SCNN1A: variants seen among roughly 807,000 people sequenced by gnomAD.
The protein encoded by SCNN1A is epithelial sodium channel subunit alpha.
A neutral mutation model predicts 68.6 loss-of-function variants in SCNN1A; 65 were observed. The ratio of observed to expected loss-of-function variants is 0.95; its 90% CI spans 0.78 to 1.16. The LOEUF is 1.16. SCNN1A is among the 50% of genes most tolerant of loss of function. The probability of loss-of-function intolerance (pLI) is 0.00; values close to 1 mark genes in which losing one functional copy is unlikely to be tolerated. For synonymous variants in SCNN1A, 357 were observed against 353.3 expected (o/e 1.01, Z -0.12); for missense variants, 880 against 865.9 (o/e 1.02, Z -0.20).
At chr12:6,352,112 A>C (rs1948399154) in intron 8 of SCNN1A, among the ~76,000 whole-genome samples, 1 of 152,154 alleles carries the variant, frequency 6.6e-6, no homozygotes, top group South Asian at 2.1e-4. Context: ...TTATATGATG[A>C]TTGCACAACT....
At position 6,354,831 on chromosome 12, in the gene SCNN1A, A is replaced by C; in HGVS notation, c.1161T>G (p.Leu387=). The change falls in exon 7 of 13, where the codon CTT becomes CTG. Residue 387 remains leucine, a synonymous_variant. Coordinates refer to ENST00000228916, the MANE Select transcript of SCNN1A (RefSeq NM_001038.6). ...TGGTGCAGTCGCCATAATCGCCCCC[A>C]AGTCTGTCCAGGGTTTCCTATGAAC... ...ISMRKETLDR[L]GGDYGDCTKN... 2 of 1,613,708 alleles carry C rather than the reference A, an allele frequency of 1.2e-6. No individual in the cohort carries two copies. The highest frequency in any genetic ancestry group is 1.7e-6 in the Non-Finnish European group (2 of 1,179,860).
intron 2 of SCNN1A, among the ~76,000 whole-genome samples, chr12:6,366,766 C>T (rs1320166186): frequency 6.6e-6 from 1 of 151,296 alleles, no homozygotes; most frequent in African/African-American, 2.4e-5. Context: ...CGCCATTGCA[C>T]TCCAGCCTGG....
chr12:6,373,652 G>A (rs1240447326), intron 2 of SCNN1A, among the ~76,000 whole-genome samples: 2 of 152,240 alleles, frequency 1.3e-5, no homozygotes, highest in South Asian at 2.1e-4. Context: ...AAAGAGCACC[G>A]ATGAAACCCA....
At chr12:6,360,366 T>C (rs888773708) in intron 4 of SCNN1A, among the ~76,000 whole-genome samples, 25 of 151,340 alleles carry the variant, frequency 1.7e-4, no homozygotes, top group African/African-American at 6.1e-4. Flanking sequence ...GGTGAGGGCA[T>C]AGGGAAAGCA....
chr12:6,354,032 C>T (rs1295652607), intron 8 of SCNN1A: 2 of 218,708 alleles, frequency 9.1e-6, no homozygotes, highest in African/African-American at 4.6e-5. Context: ...AGATTGAGAC[C>T]ATCCTGGCTA....
intron 6 of SCNN1A, 46 bp from the exon 7 acceptor site, chr12:6,354,894 C>T (rs542244603): frequency 6.9e-7 from 1 of 1,447,956 alleles, no homozygotes; most frequent in Admixed American, 1.7e-5. Context: ...GAGCAAGTGC[C>T]TCTGGGTTCT....
chr12:6,363,138 CAATAAT>C (rs111848554), intron 3 of SCNN1A, among the ~76,000 whole-genome samples: 64 of 146,776 alleles, frequency 4.4e-4, no homozygotes, highest in Non-Finnish European at 8.4e-4. Flanking sequence ...AACAGTAAAA[CAATAAT>C]AATAATAATA....
At chr12:6,371,100 C>CACAGAG (rs1948780768) in intron 2 of SCNN1A, among the ~76,000 whole-genome samples, 1 of 152,172 alleles carries the variant, frequency 6.6e-6, no homozygotes, top group South Asian at 2.1e-4. Context: ...TAGAAAGCAG[C>CACAGAG]ACAGAGTCCT....
chr12:6,356,052 T>G (rs1422438177), intron 4 of SCNN1A, 172 bp from the exon 5 acceptor site: 2 of 673,544 alleles, frequency 3.0e-6, no homozygotes, highest in Non-Finnish European at 5.4e-6. Flanking sequence ...CTGAGAGCTT[T>G]ACTCACACTC....
Position 6,363,624 on chromosome 12 carries a change from G to C in SCNN1A, c.503C>G (p.Thr168Ser). ...LFDLYKYSSF[T>S]TLVAGSRSRR... ...GCTGCGGGAGCCGGCCACGAGAGTG[G>C]TGAAGGAGCTGTATTTGTACAGGTC... The change falls in exon 3 of 13, where the codon ACC becomes AGC. Residue 168 changes from threonine (T) to serine (S), a missense_variant. Physicochemically the swap from Thr to Ser is moderately conservative, Grantham distance 58 (BLOSUM62 1). Coordinates refer to ENST00000228916, the MANE Select transcript of SCNN1A (RefSeq NM_001038.6). 1 of 1,613,406 alleles carries C rather than the reference G, an allele frequency of 6.2e-7. No individual in the cohort carries two copies. The highest frequency in any genetic ancestry group is 1.7e-5 in the Admixed American group (1 of 59,982).
chr12:6,363,441 A>T lies in SCNN1A; in HGVS notation c.684+2T>A. 1 of 1,570,020 alleles carries T rather than the reference A, an allele frequency of 6.4e-7. No individual in the cohort carries two copies. Among genetic ancestry groups the T allele is most frequent in the Non-Finnish European group, 8.6e-7 (1 of 1,160,148 alleles). ...CGGGCCCCTCGGCGCTGCGGGCCTCACCAGCTGGAAGCCGATCTTCCAGTC... is the reference window on the plus strand; with the variant it reads ...CGGGCCCCTCGGCGCTGCGGGCCTCTCCAGCTGGAAGCCGATCTTCCAGTC... On this transcript the variant is annotated splice_donor_variant, in intron 3 of 12. Coordinates refer to ENST00000228916, the MANE Select transcript of SCNN1A (RefSeq NM_001038.6). LOFTEE classifies it high-confidence loss of function.
In SCNN1A at chr12:6,355,734, G is replaced by A. The variant is rs551472129; in HGVS notation, c.979+43C>T. 88 of 1,354,980 alleles carry A rather than the reference G, an allele frequency of 6.5e-5. No homozygotes were observed. The Middle Eastern group carries it at 7.2e-4, about 11-fold the overall frequency. The allele number at this position is 1,354,980 out of a possible 1,614,324, so 83.9% of individuals were successfully genotyped here. A position where few individuals can be genotyped will look rare whatever the true frequency, so the allele number is the denominator to read the frequency against. On this transcript the variant is annotated intron_variant, in intron 5 of 12. Coordinates refer to ENST00000228916, the MANE Select transcript of SCNN1A (RefSeq NM_001038.6). ...AGCTCAAGGTAAGTACAGGTGAGTG[G>A]CTGAAGCAGAGGGCGCCATGGAGCA... is the stretch of plus-strand genomic sequence containing the variant.
chr12:6,349,428 G>C, intron 8 of SCNN1A, 23 bp from the exon 9 acceptor site: 1 of 1,532,700 alleles, frequency 6.5e-7, no homozygotes. Context: ...AGAGATGCCT[G>C]TTCTCCTAGG....
chr12:6,354,780 C>A lies in SCNN1A; in HGVS notation c.1212G>T (p.Glu404Asp). The change falls in exon 7 of 13, where the codon GAG (glutamate) becomes GAT (aspartate). Residue 404 changes from glutamate to aspartate, a missense_variant. Glu to Asp is a conservative substitution (Grantham distance 45). Coordinates refer to ENST00000228916, the MANE Select transcript of SCNN1A (RefSeq NM_001038.6). Reference sequence around the variant, plus strand: ...GTGTGTACTTTGAAGGGTAAAGGTTCTCAACAGGAACATCACTGCCATTCT... The same window carrying A: ...GTGTGTACTTTGAAGGGTAAAGGTTATCAACAGGAACATCACTGCCATTCT... ...CTKNGSDVPV[E>D]NLYPSKYTQQ... The A allele has an allele frequency of 6.2e-7, 1 of 1,614,002 alleles. No individual in the cohort carries two copies.
At chr12:6,355,662 TG>T in intron 5 of SCNN1A, 114 bp downstream of exon 5, 1 of 922,056 alleles carries the variant, frequency 1.1e-6, no homozygotes, top group Non-Finnish European at 1.8e-6. Flanking sequence ...TGGCACCTAT[TG>T]GGGAGAGACA....
chr12:6,370,945 G>C (rs182744559), intron 2 of SCNN1A, among the ~76,000 whole-genome samples: 1 of 152,262 alleles, frequency 6.6e-6, no homozygotes, highest in Non-Finnish European at 1.5e-5. Flanking sequence ...ATGACTGTAG[G>C]TATGACTGGC....
rs59652159 is a variant in SCNN1A, at chr12:6,359,764, CTTTTTTTT to C, written c.875+2279_875+2286del. Among the ~76,000 whole-genome samples, 77 of 76,952 alleles carry C rather than the reference CTTTTTTTT, an allele frequency of 1.0e-3. 1 individual carries two copies. Among genetic ancestry groups the C allele is most frequent in the African/African-American group, 4.0e-3 (69 of 17,262 alleles). 50.5% of individuals were successfully genotyped at this position (76,952 alleles called of 152,430 possible). A position where few individuals can be genotyped will look rare whatever the true frequency, so the allele number is the denominator to read the frequency against. ...ATAAATTACCCAGACTCAGATATTC[CTTTTTTTT>C]TTTTTTTTTTTTTTTTCAGATGGAG... is the stretch of plus-strand genomic sequence containing the variant. On this transcript the variant is annotated intron_variant, in intron 4 of 12. Transcript: ENST00000228916.
intron 2 of SCNN1A, among the ~76,000 whole-genome samples, chr12:6,367,390 G>A (rs951058933): frequency 6.6e-6 from 1 of 152,218 alleles, no homozygotes; most frequent in Non-Finnish European, 1.5e-5. Flanking sequence ...AGCAAAGAAC[G>A]ATGCTCAAAT....
At chr12:6,362,281 G>A in intron 3 of SCNN1A, 40 bp from the exon 4 acceptor site, 3 of 1,583,000 alleles carry the variant, frequency 1.9e-6, no homozygotes, top group Non-Finnish European at 2.6e-6. Flanking sequence ...CACGCAGCCG[G>A]GGATAAGCCC....
Sources: allele counts gnomAD v4.1 joint callset (sites outside exome capture counted in the v4.1 genomes callset), GRCh38; gene constraint gnomAD v4.1.1; transcripts MANE v1.5; gene names NCBI Gene and HGNC (gene_info 2026-07-23, HGNC 2026-07-21).